Variants in VPS13B observed in about 807,000 individuals in gnomAD.
VPS13B encodes vacuolar protein sorting 13 homolog B.
Under a neutral mutation model 426.4 loss-of-function variants are expected in VPS13B, and 285 were observed. The observed-to-expected ratio is 0.67, with a 90% CI of 0.61 to 0.74. The LOEUF (loss-of-function observed/expected upper bound fraction) is 0.74. VPS13B is among the 30% of genes least tolerant of loss of function. VPS13B has a pLI of 0.00. For synonymous variants in VPS13B, 1,676 were observed against 1,676.4 expected (o/e 1.00, Z 0.01); for missense variants, 4,537 against 4,782.6 (o/e 0.95, Z 1.51).
intron 33 of VPS13B, among the ~76,000 whole-genome samples, chr8:99,606,337 A>G (rs1433505286): frequency 6.6e-6 from 1 of 152,048 alleles, no homozygotes; most frequent in Non-Finnish European, 1.5e-5. Flanking sequence ...GCACAAATTT[A>G]TCTTTCAGTT....
Position 99,129,350 on chromosome 8 carries a change from T to C in VPS13B, c.1207-5282T>C, listed in dbSNP as rs183246474. On this transcript the variant is annotated intron_variant, in intron 8 of 61. Coordinates refer to ENST00000357162, the MANE Select transcript of VPS13B (RefSeq NM_152564.5). The stretch of plus-strand genomic sequence containing the variant: ...GGATATGTTGTCAGTTTTTTTAATA[T>C]CAAAAGTCCTGACATATAGCCTGGG... 6.3e-3 allele frequency among the ~76,000 whole-genome samples: 958 copies of C among 151,654 alleles called. 8 individuals are homozygous for C. The highest frequency in any genetic ancestry group is 0.022 in the African/African-American group (899 of 41,452).
intron 39 of VPS13B, among the ~76,000 whole-genome samples, chr8:99,754,223 C>G (rs1810532932): frequency 6.6e-6 from 1 of 151,224 alleles, no homozygotes; most frequent in Admixed American, 6.6e-5. Flanking sequence ...TTTGAGATTG[C>G]AAGCACATTC....
chr8:99,487,791 A>G (rs758109701), intron 25 of VPS13B, among the ~76,000 whole-genome samples: 3 of 152,014 alleles, frequency 2.0e-5, no homozygotes, highest in Non-Finnish European at 4.4e-5. Flanking sequence ...ACTCCTTTTT[A>G]TGGCTGAGTA....
chr8:99,500,163 A>G (rs957766638), intron 25 of VPS13B, among the ~76,000 whole-genome samples: 54 of 152,274 alleles, frequency 3.5e-4, no homozygotes, highest in African/African-American at 1.2e-3. Context: ...TACTGACCAT[A>G]TTATATTGTC....
chr8:99,701,470 G>A (rs1164561303), intron 36 of VPS13B, among the ~76,000 whole-genome samples: 1 of 151,998 alleles, frequency 6.6e-6, no homozygotes, highest in African/African-American at 2.4e-5. Flanking sequence ...GTTTAATGAT[G>A]TCTGTCTTTG....
chr8:99,312,370 A>G (rs147728921), intron 19 of VPS13B, among the ~76,000 whole-genome samples: 10,009 of 152,200 alleles, frequency 0.066, 461 homozygotes, highest in Non-Finnish European at 0.1. Context: ...CCTGGTGGTG[A>G]CAAAATCTCT....
chr8:99,053,675 C>CTTT (rs1171107732), intron 3 of VPS13B, among the ~76,000 whole-genome samples: 4 of 132,228 alleles, frequency 3.0e-5, no homozygotes, highest in African/African-American at 1.1e-4. Flanking sequence ...TTTTTTTTTC[C>CTTT]TTTTTTTTTT....
intron 35 of VPS13B, 115 bp from the exon 36 acceptor site, chr8:99,699,410 A>G (rs926158793): frequency 1.8e-6 from 2 of 1,120,800 alleles, no homozygotes; most frequent in African/African-American, 1.6e-5. Context: ...AGGCATCCTA[A>G]TGAGTCCATA....
At chr8:99,049,563 A>G (rs1198416278) in intron 3 of VPS13B, among the ~76,000 whole-genome samples, 3 of 151,310 alleles carry the variant, frequency 2.0e-5, no homozygotes, top group African/African-American at 7.3e-5. Context: ...TTTTTCTTTA[A>G]TAGGTTACCT....
chr8:99,705,029 G>A (rs1370201617), intron 36 of VPS13B, among the ~76,000 whole-genome samples: 5 of 152,068 alleles, frequency 3.3e-5, no homozygotes, highest in African/African-American at 9.7e-5. Flanking sequence ...CCTACCGTCC[G>A]TGAAACATGA....
At chr8:99,081,502 G>A (rs956402613) in intron 3 of VPS13B, among the ~76,000 whole-genome samples, 1 of 151,742 alleles carries the variant, frequency 6.6e-6, no homozygotes, top group East Asian at 1.9e-4. Context: ...GTATACATGT[G>A]CCATGTTGGT....
intron 20 of VPS13B, among the ~76,000 whole-genome samples, chr8:99,387,611 C>A (rs1814198891): frequency 6.6e-6 from 1 of 152,026 alleles, no homozygotes; most frequent in Non-Finnish European, 1.5e-5. Context: ...TGTTCTTAAT[C>A]TACTATTTTA....
At chr8:99,128,160 G>T (rs1219707343) in intron 8 of VPS13B, among the ~76,000 whole-genome samples, 4 of 151,966 alleles carry the variant, frequency 2.6e-5, no homozygotes, top group East Asian at 1.9e-4. Flanking sequence ...GGAGGCTGAG[G>T]TGGGCGGATC....
chr8:99,636,431 A>G (rs1343606572), intron 33 of VPS13B, among the ~76,000 whole-genome samples: 1 of 151,934 alleles, frequency 6.6e-6, no homozygotes, highest in Non-Finnish European at 1.5e-5. Context: ...TAGTCTTTTG[A>G]ATATTAATTA....
At chr8:99,738,062 G>A (rs76095224) in intron 39 of VPS13B, among the ~76,000 whole-genome samples, 4,925 of 152,226 alleles carry the variant, frequency 0.032, 100 homozygotes, top group East Asian at 0.046. Context: ...CAAAGGACTC[G>A]TTATCACTAC....
chr8:99,153,132 T>G (rs562568319), intron 14 of VPS13B, among the ~76,000 whole-genome samples: 1 of 152,260 alleles, frequency 6.6e-6, no homozygotes, highest in South Asian at 2.1e-4. Context: ...ATCACACCAC[T>G]TGCACTCCAG....
intron 17 of VPS13B, among the ~76,000 whole-genome samples, chr8:99,267,687 A>G (rs1288469344): frequency 1.3e-5 from 2 of 151,784 alleles, no homozygotes; most frequent in East Asian, 3.9e-4. Flanking sequence ...AGATCTTGCC[A>G]CTGCACTCCA....
intron 43 of VPS13B, among the ~76,000 whole-genome samples, chr8:99,790,422 T>C (rs559924486): frequency 4.9e-4 from 75 of 152,314 alleles, no homozygotes; most frequent in Non-Finnish European, 7.1e-4. Context: ...GTATTACTTA[T>C]TGCGTTTAAA....
At chr8:99,049,217 C>CT (rs546770062) in intron 3 of VPS13B, among the ~76,000 whole-genome samples, 68 of 144,338 alleles carry the variant, frequency 4.7e-4, no homozygotes, top group African/African-American at 1.0e-3. Context: ...GCCTGTATAC[C>CT]TTTTTTTTTT....
Sources: gnomAD v4.1 joint callset for allele counts (sites outside exome capture counted in the v4.1 genomes callset) on GRCh38, gnomAD v4.1.1 for gene constraint, MANE v1.5 for transcripts, NCBI Gene and HGNC (gene_info 2026-07-23, HGNC 2026-07-21) for gene names.